SEMA3A: variants seen among roughly 807,000 people sequenced by gnomAD.
SEMA3A encodes semaphorin-3A.
A neutral mutation model predicts 97.9 loss-of-function variants in SEMA3A; 29 were observed. The ratio of observed to expected loss-of-function variants is 0.30; its 90% confidence interval spans 0.22 to 0.40. The LOEUF is 0.40. Among genes scored for constraint, SEMA3A ranks in the 10% least tolerant of loss-of-function variants. SEMA3A has a pLI of 1.00. For missense variants in SEMA3A, 763 were observed against 951.3 expected (o/e 0.80, Z 2.60); for synonymous variants, 321 against 323.7 (o/e 0.99, Z 0.09).
chr7:84,144,541 A>C (rs1796409230), intron 1 of SEMA3A, among the ~76,000 whole-genome samples: 1 of 152,160 alleles, frequency 6.6e-6, no homozygotes, highest in African/African-American at 2.4e-5. Flanking sequence ...GAACTTATTA[A>C]ATAAAGAATA....
At chr7:84,246,157 G>A (rs942306919) in intron 3 of SEMA3A, among the ~76,000 whole-genome samples, 10 of 152,212 alleles carry the variant, frequency 6.6e-5, no homozygotes, top group African/African-American at 1.4e-4. Context: ...TTTACACTCA[G>A]TTGGAAATGC....
intron 3 of SEMA3A, among the ~76,000 whole-genome samples, chr7:84,274,908 T>C (rs1800255096): frequency 6.6e-6 from 1 of 152,058 alleles, no homozygotes; most frequent in African/African-American, 2.4e-5. Flanking sequence ...TGGCTTTATA[T>C]TATCATTAGA....
intron 5 of SEMA3A, among the ~76,000 whole-genome samples, chr7:84,051,779 G>C (rs1288957054): frequency 3.9e-5 from 6 of 151,984 alleles, no homozygotes; most frequent in Non-Finnish European, 8.8e-5. Context: ...GGGCATCCCT[G>C]TATTGTGCCA....
At chr7:84,161,855 T>G (rs1797045609) in intron 1 of SEMA3A, among the ~76,000 whole-genome samples, 1 of 152,190 alleles carries the variant, frequency 6.6e-6, no homozygotes, top group African/African-American at 2.4e-5. Flanking sequence ...CTAGAAAAAC[T>G]AATATTTAAG....
intron 1 of SEMA3A, among the ~76,000 whole-genome samples, chr7:84,390,694 A>G (rs1803546575): frequency 6.6e-6 from 1 of 151,770 alleles, no homozygotes; most frequent in African/African-American, 2.4e-5. Flanking sequence ...TAGTGCTGAT[A>G]ACAGGATAAA....
intron 2 of SEMA3A, among the ~76,000 whole-genome samples, chr7:84,350,064 T>A (rs1268244281): frequency 1.3e-5 from 2 of 152,176 alleles, no homozygotes; most frequent in African/African-American, 4.8e-5. Flanking sequence ...TGGTATCACG[T>A]CTGTTCTGAC....
At chr7:84,121,305 C>T (rs1010645808) in intron 3 of SEMA3A, among the ~76,000 whole-genome samples, 1 of 152,056 alleles carries the variant, frequency 6.6e-6, no homozygotes, top group Admixed American at 6.6e-5. Flanking sequence ...TGCTGTGCTG[C>T]ACCATTAACT....
At chr7:84,280,008 C>T (rs1407803361) in intron 3 of SEMA3A, among the ~76,000 whole-genome samples, 2 of 152,146 alleles carry the variant, frequency 1.3e-5, no homozygotes, top group East Asian at 3.9e-4. Flanking sequence ...TGTGATCCAC[C>T]CACCTCAGCT....
intron 1 of SEMA3A, among the ~76,000 whole-genome samples, chr7:84,410,686 C>T (rs1804240381): frequency 1.3e-5 from 2 of 151,980 alleles, no homozygotes; most frequent in African/African-American, 2.4e-5. Context: ...ACATGTTTTT[C>T]GCATAAAGAA....
intron 1 of SEMA3A, among the ~76,000 whole-genome samples, chr7:84,407,264 G>T (rs1336568718): frequency 2.0e-5 from 3 of 151,648 alleles, no homozygotes; most frequent in African/African-American, 7.2e-5. Context: ...ATAACAGAGA[G>T]CCAAATCATG....
At chr7:84,291,718 T>C (rs1168257960) in intron 3 of SEMA3A, among the ~76,000 whole-genome samples, 1 of 152,172 alleles carries the variant, frequency 6.6e-6, no homozygotes, top group African/African-American at 2.4e-5. Flanking sequence ...GTTTAGTCTT[T>C]ATTTATTACT....
chr7:84,118,788 T>C (rs913922623), intron 3 of SEMA3A, among the ~76,000 whole-genome samples: 33 of 152,228 alleles, frequency 2.2e-4, no homozygotes, highest in Admixed American at 2.2e-3. Flanking sequence ...TGTAGTTACC[T>C]ACAACAACTT....
At chr7:84,136,925 G>A (rs1796141638) in intron 1 of SEMA3A, among the ~76,000 whole-genome samples, 1 of 150,342 alleles carries the variant, frequency 6.7e-6, no homozygotes, top group South Asian at 2.1e-4. Context: ...AAGAAGAAGG[G>A]GAGGAAGGAA....
intron 4 of SEMA3A, among the ~76,000 whole-genome samples, chr7:84,092,790 A>G (rs895887838): frequency 1.3e-5 from 2 of 152,108 alleles, no homozygotes; most frequent in African/African-American, 4.8e-5. Flanking sequence ...GGATGTGCAT[A>G]ACCTCCAACT....
chr7:84,012,278 G>T (rs2030678), intron 7 of SEMA3A, among the ~76,000 whole-genome samples: 85,364 of 152,030 alleles, frequency 0.56, 25,387 homozygotes, highest in African/African-American at 0.75. Flanking sequence ...TTAATTAGCA[G>T]GATCTAGCCA....
chr7:83,979,986 T>G (rs1188468306), intron 14 of SEMA3A, among the ~76,000 whole-genome samples: 1 of 152,094 alleles, frequency 6.6e-6, no homozygotes, highest in Non-Finnish European at 1.5e-5. Context: ...TAATAAACAA[T>G]AAAGAAATCA....
At chr7:84,469,639 A>C (rs1289115782) in intron 1 of SEMA3A, among the ~76,000 whole-genome samples, 1 of 152,144 alleles carries the variant, frequency 6.6e-6, no homozygotes, top group Non-Finnish European at 1.5e-5. Context: ...CATTGTCCAC[A>C]TGTGCTTAAT....
At chr7:84,478,710 A>G (rs1183482026) in intron 1 of SEMA3A, among the ~76,000 whole-genome samples, 1 of 151,992 alleles carries the variant, frequency 6.6e-6, no homozygotes, top group Non-Finnish European at 1.5e-5. Flanking sequence ...TGTTATGTTT[A>G]AAGAAAGGAA....
chr7:84,258,389 A>T (rs1237723924), intron 3 of SEMA3A, among the ~76,000 whole-genome samples: 1 of 152,174 alleles, frequency 6.6e-6, no homozygotes, highest in African/African-American at 2.4e-5. Context: ...ACTCTTAGGG[A>T]ATTCTTTCCC....
Sources: allele counts gnomAD v4.1 joint callset (sites outside exome capture counted in the v4.1 genomes callset), GRCh38; gene constraint gnomAD v4.1.1; transcripts MANE v1.5; gene names NCBI Gene and HGNC (gene_info 2026-07-23, HGNC 2026-07-21).